AGBL4: variants seen among roughly 807,000 people sequenced by gnomAD.
AGBL4 encodes AGBL carboxypeptidase 4, also known as cytosolic carboxypeptidase 6.
Under a neutral mutation model 66.4 loss-of-function variants are expected in AGBL4, and 58 were observed. That is an observed-to-expected ratio of 0.87 (90% CI 0.71 to 1.09). The LOEUF (loss-of-function observed/expected upper bound fraction) is 1.09. Among genes scored for constraint, AGBL4 ranks in the 50% least tolerant of loss-of-function variants. AGBL4 has a pLI of 0.00. For missense variants in AGBL4, 579 were observed against 631.0 expected (o/e 0.92, Z 0.88); for synonymous variants, 234 against 222.9 (o/e 1.05, Z -0.44).
chr1:49,610,456 T>G (rs968565102), intron 3 of AGBL4, among the ~76,000 whole-genome samples: 1 of 152,204 alleles, frequency 6.6e-6, no homozygotes, highest in Non-Finnish European at 1.5e-5. Context: ...CAGTGCTGCA[T>G]GGAAAACAAA....
chr1:49,279,856 T>C (rs1282614984), intron 3 of AGBL4, among the ~76,000 whole-genome samples: 2 of 152,156 alleles, frequency 1.3e-5, no homozygotes, highest in African/African-American at 4.8e-5. Flanking sequence ...GAAATGATGA[T>C]ATTCCATCCC....
intron 11 of AGBL4, among the ~76,000 whole-genome samples, chr1:48,563,809 T>C (rs1028123436): frequency 2.0e-5 from 3 of 152,100 alleles, no homozygotes; most frequent in Non-Finnish European, 4.4e-5. Flanking sequence ...GGCCTAGCTG[T>C]AAAAGTTTAA....
intron 5 of AGBL4, among the ~76,000 whole-genome samples, chr1:48,901,763 G>T (rs1006291185): frequency 6.6e-6 from 1 of 152,144 alleles, no homozygotes; most frequent in African/African-American, 2.4e-5. Flanking sequence ...AGGGGAGGGA[G>T]TGAGAAGAAG....
At chr1:49,331,238 A>C (rs1352044195) in intron 3 of AGBL4, among the ~76,000 whole-genome samples, 2 of 152,040 alleles carry the variant, frequency 1.3e-5, no homozygotes, top group Non-Finnish European at 2.9e-5. Flanking sequence ...GGAGGTCTGC[A>C]CATACCCTCT....
At chr1:49,146,251 T>C (rs1367529994) in intron 4 of AGBL4, among the ~76,000 whole-genome samples, 2 of 152,130 alleles carry the variant, frequency 1.3e-5, no homozygotes, top group Admixed American at 6.5e-5. Flanking sequence ...ACCAAAAGAT[T>C]ATAACTGTAT....
intron 5 of AGBL4, among the ~76,000 whole-genome samples, chr1:49,039,292 A>C (rs1218283581): frequency 6.6e-6 from 1 of 152,114 alleles, no homozygotes; most frequent in Admixed American, 6.6e-5. Flanking sequence ...CCACACCCAT[A>C]GAATGTACAA....
chr1:49,056,112 T>C (rs1832760), intron 4 of AGBL4, among the ~76,000 whole-genome samples: 152,213 of 152,222 alleles, frequency 1, 76,102 homozygotes, highest in Middle Eastern at 1. Context: ...ATTGTATAAA[T>C]CAGGAACCTG....
chr1:49,889,066 T>A (rs1648367568), intron 1 of AGBL4, among the ~76,000 whole-genome samples: 1 of 152,232 alleles, frequency 6.6e-6, no homozygotes. Flanking sequence ...AATTAAAGAA[T>A]AATTAAATAA....
chr1:49,658,000 G>A (rs1238446686), intron 3 of AGBL4, among the ~76,000 whole-genome samples: 1 of 152,222 alleles, frequency 6.6e-6, no homozygotes. Context: ...AGACAAAATT[G>A]ACAAATGGGA....
At chr1:49,527,712 G>A (rs577525220) in intron 3 of AGBL4, 3 of 151,988 alleles carry the variant, frequency 2.0e-5, no homozygotes, top group Non-Finnish European at 2.9e-5. Context: ...CACCATTCTC[G>A]GTGCCCCATC....
At chr1:49,592,538 C>T (rs557124467) in intron 3 of AGBL4, among the ~76,000 whole-genome samples, 1 of 152,286 alleles carries the variant, frequency 6.6e-6, no homozygotes, top group South Asian at 2.1e-4. Context: ...CACTGCATTT[C>T]AGCCTGGGTA....
chr1:49,481,694 T>A (rs969301020), intron 3 of AGBL4, among the ~76,000 whole-genome samples: 3 of 152,000 alleles, frequency 2.0e-5, no homozygotes, highest in African/African-American at 7.2e-5. Flanking sequence ...GGCATCCTTG[T>A]CTTATGCTAG....
chr1:48,823,083 C>T (rs1646351068), intron 6 of AGBL4, among the ~76,000 whole-genome samples: 1 of 152,208 alleles, frequency 6.6e-6, no homozygotes, highest in Admixed American at 6.5e-5. Context: ...TCTTCTGGCA[C>T]CAGACTTCCC....
At chr1:48,757,923 T>C in intron 6 of AGBL4, among the ~76,000 whole-genome samples, 1 of 152,200 alleles carries the variant, frequency 6.6e-6, no homozygotes, top group African/African-American at 2.4e-5. Flanking sequence ...GTTATACCGA[T>C]TTCCTCAATA....
Position 49,356,132 on chromosome 1 carries a change from A to G in AGBL4, c.283-110268T>C, listed in dbSNP as rs368158190. ...AACAGACATTGTGAGTCAACTATGA[A>G]GATCCTTCCAAAGTACTCCCCCAAA... is the stretch of plus-strand genomic sequence containing the variant. On this transcript the variant is annotated intron_variant, in intron 3 of 13. Coordinates refer to ENST00000371839, the MANE Select transcript of AGBL4 (RefSeq NM_032785.4). Among the ~76,000 whole-genome samples the G allele has an allele frequency of 1.5e-3, 236 of 152,326 alleles. 1 individual carries two copies. The highest frequency in any genetic ancestry group is 4.8e-3 in the African/African-American group (201 of 41,580).
At chr1:48,955,755 C>T (rs555998317) in intron 5 of AGBL4, among the ~76,000 whole-genome samples, 42 of 152,288 alleles carry the variant, frequency 2.8e-4, no homozygotes, top group African/African-American at 9.6e-4. Context: ...ATTTAAATTT[C>T]GGATTTGCCC....
intron 3 of AGBL4, among the ~76,000 whole-genome samples, chr1:49,371,394 T>A (rs1644342660): frequency 6.6e-6 from 1 of 152,174 alleles, no homozygotes; most frequent in South Asian, 2.1e-4. Context: ...GGAGGTAGTA[T>A]GCTTGTTGTT....
At chr1:49,194,026 G>C (rs1454349016) in intron 4 of AGBL4, among the ~76,000 whole-genome samples, 11 of 152,094 alleles carry the variant, frequency 7.2e-5, no homozygotes, top group Non-Finnish European at 1.5e-4. Context: ...ATGTCTGTTA[G>C]GTCCATTTGG....
chr1:48,891,442 T>A (rs759104609), intron 5 of AGBL4, among the ~76,000 whole-genome samples: 1 of 152,112 alleles, frequency 6.6e-6, no homozygotes, highest in Non-Finnish European at 1.5e-5. Flanking sequence ...AGGCACTAGA[T>A]GCTGGAGTCA....
Sources: allele counts gnomAD v4.1 joint callset (sites outside exome capture counted in the v4.1 genomes callset), GRCh38; gene constraint gnomAD v4.1.1; transcripts MANE v1.5; gene names NCBI Gene and HGNC (gene_info 2026-07-23, HGNC 2026-07-21).